TEAD1: variants seen among roughly 807,000 people sequenced by gnomAD.
The protein encoded by TEAD1 is TEA domain transcription factor 1.
A neutral mutation model predicts 54.9 loss-of-function variants in TEAD1; 9 were observed. That is an observed-to-expected ratio of 0.16 (90% CI 0.10 to 0.29). The LOEUF (loss-of-function observed/expected upper bound fraction) is 0.29. TEAD1 is among the 10% of genes least tolerant of loss of function. The pLI is 1.00. For synonymous variants in TEAD1, 200 were observed against 187.8 expected (o/e 1.07, Z -0.53); for missense variants, 387 against 535.9 (o/e 0.72, Z 2.74).
intron 2 of TEAD1, among the ~76,000 whole-genome samples, chr11:12,736,912 T>G (rs774525688): frequency 2.7e-4 from 41 of 152,260 alleles, no homozygotes; most frequent in South Asian, 4.2e-4. Context: ...AGAAATAGTC[T>G]TCTTCTTTGG....
intron 2 of TEAD1, among the ~76,000 whole-genome samples, chr11:12,747,208 AG>A (rs1399339622): frequency 9.2e-5 from 14 of 152,294 alleles, no homozygotes; most frequent in Non-Finnish European, 2.1e-4. Flanking sequence ...GAGCTGGGCT[AG>A]GGGGCTGGAG....
chr11:12,785,763 C>T (rs1043190700), intron 3 of TEAD1, among the ~76,000 whole-genome samples: 7 of 152,082 alleles, frequency 4.6e-5, no homozygotes, highest in African/African-American at 1.7e-4. Flanking sequence ...GTTGGAGGGT[C>T]CAGGAGATGG....
At chr11:12,703,650 G>A (rs551525317) in intron 2 of TEAD1, among the ~76,000 whole-genome samples, 28 of 152,150 alleles carry the variant, frequency 1.8e-4, no homozygotes, top group Non-Finnish European at 3.7e-4. Flanking sequence ...TACAGGCTGT[G>A]ACTTGCACAT....
chr11:12,824,002 C>T (rs1246202898), intron 3 of TEAD1, among the ~76,000 whole-genome samples: 1 of 152,156 alleles, frequency 6.6e-6, no homozygotes, highest in African/African-American at 2.4e-5. Context: ...CTATTCACTT[C>T]TCCGAGACAC....
chr11:12,769,810 C>T (rs767284948), intron 3 of TEAD1, among the ~76,000 whole-genome samples: 63 of 152,224 alleles, frequency 4.1e-4, no homozygotes, highest in Admixed American at 2.6e-4. Flanking sequence ...CTCCCAAAGC[C>T]GGGACCCCAC....
intron 4 of TEAD1, among the ~76,000 whole-genome samples, chr11:12,863,190 A>G (rs1947543226): frequency 6.6e-6 from 1 of 152,368 alleles, no homozygotes; most frequent in Admixed American, 6.5e-5. Context: ...AGCAGATTTC[A>G]GTTCTCTTCC....
intron 2 of TEAD1, among the ~76,000 whole-genome samples, chr11:12,692,705 T>G (rs1234535655): frequency 6.6e-6 from 1 of 152,146 alleles, no homozygotes; most frequent in East Asian, 1.9e-4. Context: ...AAGGGAATTT[T>G]CATTATGGTC....
intron 5 of TEAD1, among the ~76,000 whole-genome samples, chr11:12,870,761 C>T (rs1028083549): frequency 6.6e-6 from 1 of 152,190 alleles, no homozygotes. Flanking sequence ...CAGTGTGCAC[C>T]GGCAGTTATA....
intron 2 of TEAD1, among the ~76,000 whole-genome samples, chr11:12,702,990 G>C (rs1564911959): frequency 6.6e-6 from 1 of 152,140 alleles, no homozygotes; most frequent in Non-Finnish European, 1.5e-5. Flanking sequence ...ACAGTTCTTA[G>C]GAGCCACAGC....
chr11:12,746,783 T>G (rs561786794), intron 2 of TEAD1, among the ~76,000 whole-genome samples: 1 of 152,324 alleles, frequency 6.6e-6, no homozygotes, highest in South Asian at 2.1e-4. Context: ...CTGGCTCTTG[T>G]GGGAGGTGAA....
chr11:12,709,393 G>A (rs1189728070), intron 2 of TEAD1, among the ~76,000 whole-genome samples: 2 of 151,470 alleles, frequency 1.3e-5, no homozygotes, highest in Non-Finnish European at 2.9e-5. Context: ...TTATAGTTTT[G>A]TTTCTTTTTT....
intron 2 of TEAD1, among the ~76,000 whole-genome samples, chr11:12,693,666 G>A (rs757349711): frequency 3.9e-5 from 6 of 152,124 alleles, no homozygotes; most frequent in Non-Finnish European, 7.4e-5. Context: ...TGTTTTCATT[G>A]TTTCGGTAAC....
intron 10 of TEAD1, among the ~76,000 whole-genome samples, chr11:12,920,544 C>A (rs1241088736): frequency 6.6e-6 from 1 of 152,138 alleles, no homozygotes; most frequent in African/African-American, 2.4e-5. Context: ...TGCTACGTTG[C>A]CTAGGCTGGT....
chr11:12,758,434 G>GGA (rs1177946536), intron 2 of TEAD1, among the ~76,000 whole-genome samples: 1 of 131,530 alleles, frequency 7.6e-6, no homozygotes, highest in African/African-American at 3.0e-5. Flanking sequence ...TTTTTGAGGT[G>GGA]GAGTATCACT....
chr11:12,753,346 A>G (rs1479018653), intron 2 of TEAD1, among the ~76,000 whole-genome samples: 1 of 152,156 alleles, frequency 6.6e-6, no homozygotes, highest in Non-Finnish European at 1.5e-5. Context: ...GATATTGCCA[A>G]AGAGTTTTCC....
chr11:12,757,938 C>T (rs551549972), intron 2 of TEAD1, among the ~76,000 whole-genome samples: 1 of 152,166 alleles, frequency 6.6e-6, no homozygotes, highest in East Asian at 1.9e-4. Context: ...TGCCACCACG[C>T]CTGACTAATT....
At chr11:12,808,254 A>G (rs1946220298) in intron 3 of TEAD1, among the ~76,000 whole-genome samples, 1 of 151,990 alleles carries the variant, frequency 6.6e-6, no homozygotes, top group South Asian at 2.1e-4. Context: ...AGGTCATAGT[A>G]GGCTCATAAA....
intron 9 of TEAD1, among the ~76,000 whole-genome samples, chr11:12,901,684 T>C (rs1404030409): frequency 6.6e-6 from 1 of 152,228 alleles, no homozygotes; most frequent in East Asian, 1.9e-4. Context: ...GCTGTTGTTA[T>C]TAATGTGTCC....
chr11:12,854,839 T>G (rs1156563244), intron 3 of TEAD1, among the ~76,000 whole-genome samples: 2 of 150,510 alleles, frequency 1.3e-5, no homozygotes, highest in Non-Finnish European at 3.0e-5. Flanking sequence ...CAAGTTATCC[T>G]CCTGCCTCAG....
Sources: gnomAD v4.1 joint callset for allele counts (sites outside exome capture counted in the v4.1 genomes callset) on GRCh38, gnomAD v4.1.1 for gene constraint, MANE v1.5 for transcripts, NCBI Gene and HGNC (gene_info 2026-07-23, HGNC 2026-07-21) for gene names.